The following GFM1 variants were observed in gnomAD, a reference collection of about 807,000 sequenced individuals.
The protein encoded by GFM1 is G elongation factor mitochondrial 1, also known as elongation factor G, mitochondrial.
A neutral mutation model predicts 96.2 loss-of-function variants in GFM1; 62 were observed. That is an observed-to-expected ratio of 0.64 (90% confidence interval 0.53 to 0.80). The LOEUF (loss-of-function observed/expected upper bound fraction) is 0.80. Among genes scored for constraint, GFM1 ranks in the 30% least tolerant of loss-of-function variants. GFM1 has a pLI of 0.00. For synonymous variants in GFM1, 282 were observed against 312.9 expected (o/e 0.90, Z 1.04); for missense variants, 852 against 916.6 (o/e 0.93, Z 0.91).
chr3:158,669,416 A>G (rs1263138345), intron 13 of GFM1: 2 of 1,592,472 alleles, frequency 1.3e-6, no homozygotes, highest in East Asian at 2.2e-5. Context: ...AATGGTTTTC[A>G]TGCCATATTT....
In GFM1 at chr3:158,666,296, C is replaced by T; in HGVS notation, c.1519-8C>T. On this transcript the variant is annotated splice_polypyrimidine_tract_variant and splice_region_variant and intron_variant, in intron 12 of 17. Coordinates refer to ENST00000486715, the MANE Select transcript of GFM1 (RefSeq NM_024996.7). ...AAATTTAAATAATATTTTCCCCACT[C>T]TTTTTAGAGGCTGGAAAGAGAGTAT... 6.2e-7 allele frequency: 1 copy of T among 1,609,088 alleles called. No individual in the cohort carries two copies. Among genetic ancestry groups the T allele is most frequent in the South Asian group, 1.1e-5 (1 of 90,688 alleles).
chr3:158,672,378 A>G (rs758088046), intron 13 of GFM1: 3 of 1,613,894 alleles, frequency 1.9e-6, no homozygotes. Flanking sequence ...GACCTTCTGC[A>G]CCTCAAACAC....
chr3:158,679,318 C>T (rs939543882), intron 13 of GFM1, among the ~76,000 whole-genome samples: 2 of 152,066 alleles, frequency 1.3e-5, no homozygotes, highest in African/African-American at 4.8e-5. Context: ...TGCTTTATTG[C>T]GATATTAGCT....
At chr3:158,680,899 G>A (rs1184308770) in intron 13 of GFM1, among the ~76,000 whole-genome samples, 3 of 152,150 alleles carry the variant, frequency 2.0e-5, no homozygotes, top group Non-Finnish European at 4.4e-5. Context: ...TGCAGTGATG[G>A]AAATCTTTTA....
intron 4 of GFM1, among the ~76,000 whole-genome samples, chr3:158,648,406 CGGT>C (rs1722007411): frequency 1.3e-5 from 2 of 152,044 alleles, no homozygotes; most frequent in Non-Finnish European, 2.9e-5. Context: ...GGGCCGGGCG[CGGT>C]GGCTCACACC....
chr3:158,662,767 T>G, intron 11 of GFM1, 83 bp downstream of exon 11: 1 of 839,958 alleles, frequency 1.2e-6, no homozygotes, highest in East Asian at 2.4e-5. Context: ...ACTTGATATC[T>G]TGTAATAACC....
chr3:158,671,784 C>T (rs896837199), intron 13 of GFM1, among the ~76,000 whole-genome samples: 1 of 152,194 alleles, frequency 6.6e-6, no homozygotes, highest in African/African-American at 2.4e-5. Context: ...AGAGGGTGCA[C>T]ATCATTTAAG....
At chr3:158,655,090 C>T (rs1722633831) in intron 8 of GFM1, among the ~76,000 whole-genome samples, 1 of 152,104 alleles carries the variant, frequency 6.6e-6, no homozygotes, top group Non-Finnish European at 1.5e-5. Flanking sequence ...TCCTAAGGAA[C>T]TAATGAAGGG....
intron 14 of GFM1, 50 bp from the exon 15 acceptor site, chr3:158,684,474 T>C (rs947628112): frequency 1.2e-6 from 2 of 1,600,014 alleles, no homozygotes; most frequent in Non-Finnish European, 1.7e-6. Flanking sequence ...TGATAATGTA[T>C]CTGCAAGTAA....
chr3:158,677,867 T>C (rs1326553510), intron 13 of GFM1, among the ~76,000 whole-genome samples: 1 of 152,210 alleles, frequency 6.6e-6, no homozygotes, highest in Admixed American at 6.5e-5. Context: ...ATCTGTGACT[T>C]TCATAGCTGG....
At chr3:158,655,603 TGAAAA>T (rs1178776839) in intron 8 of GFM1, among the ~76,000 whole-genome samples, 1 of 152,112 alleles carries the variant, frequency 6.6e-6, no homozygotes. Context: ...ATTTTTGACA[TGAAAA>T]GATGTTTATG....
At chr3:158,671,161 C>T in intron 13 of GFM1, 2 of 1,178,048 alleles carry the variant, frequency 1.7e-6, no homozygotes, top group East Asian at 3.4e-5. Context: ...AAAGGCATGT[C>T]ACCATGAATG....
intron 15 of GFM1, 99 bp downstream of exon 15, chr3:158,684,767 T>G (rs528675415): frequency 4.8e-6 from 6 of 1,242,150 alleles, no homozygotes; most frequent in South Asian, 1.2e-5. Flanking sequence ...CCCAGAGCAC[T>G]AGGCTCCACA....
At chr3:158,672,654 C>T (rs1724466946) in intron 13 of GFM1, 1 of 678,868 alleles carries the variant, frequency 1.5e-6, no homozygotes, top group Non-Finnish European at 2.4e-6. Context: ...TGTTTGGGCC[C>T]AGGCTCCCTG....
chr3:158,666,153 C>T (rs937798935), intron 12 of GFM1, 151 bp from the exon 13 acceptor site: 2 of 633,764 alleles, frequency 3.2e-6, no homozygotes, highest in African/African-American at 3.7e-5. Flanking sequence ...TTAAGTATCA[C>T]ATACCTAATC....
chr3:158,689,761 A>G (rs542023311), intron 15 of GFM1, among the ~76,000 whole-genome samples: 53 of 151,956 alleles, frequency 3.5e-4, no homozygotes, highest in African/African-American at 1.3e-3. Flanking sequence ...AAAAAAAAAA[A>G]AAGAAAGAAT....
chr3:158,666,389 A>G lies in GFM1; in HGVS notation c.1601+3A>G, dbSNP rs1198374763. 6.2e-7 allele frequency: 1 copy of G among 1,611,236 alleles called. No homozygotes were observed. The highest frequency in any genetic ancestry group is 8.5e-7 in the Non-Finnish European group (1 of 1,177,568). ...GAGACCATTACTGCCCCTGTCCCGT[A>G]AGTATGCAACGTAATTAAACATTAT... On this transcript the variant is annotated splice_donor_region_variant and intron_variant, in intron 13 of 17. Transcript: ENST00000486715.
At position 158,665,340 on chromosome 3, in the gene GFM1, G is replaced by A. The variant is rs200244667; in HGVS notation, c.1384G>A (p.Asp462Asn). ...SIAMKPSNKNDLEKFSKGIGR... is the reference protein window; with the variant it reads ...SIAMKPSNKNNLEKFSKGIGR... ...TGACTTTCTTCTTCTTTTAAAGAAC[G>A]ATCTGGAAAAATTTTCAAAAGGTAT... is the stretch of plus-strand genomic sequence containing the variant. The change falls in exon 12 of 18, where the codon GAT becomes AAT. Residue 462 changes from aspartate (D) to asparagine (N), a missense_variant. Asp to Asn is a conservative substitution (Grantham distance 23). Transcript: ENST00000486715. 9.3e-6 allele frequency: 15 copies of A among 1,607,760 alleles called. No homozygotes were observed. The African/African-American group carries it at 1.6e-4, about 17-fold the overall frequency.
chr3:158,674,080 CTTTTTT>C (rs397877329), intron 13 of GFM1, among the ~76,000 whole-genome samples: 3 of 133,026 alleles, frequency 2.3e-5, no homozygotes, highest in African/African-American at 8.5e-5. Flanking sequence ...CACACATGAC[CTTTTTT>C]TTTTTTTTTT....
Sources: gnomAD v4.1 joint callset for allele counts (sites outside exome capture counted in the v4.1 genomes callset) on GRCh38, gnomAD v4.1.1 for gene constraint, MANE v1.5 for transcripts, NCBI Gene and HGNC (gene_info 2026-07-23, HGNC 2026-07-21) for gene names.